CAB39: variants seen among roughly 807,000 people sequenced by gnomAD.
CAB39 encodes calcium binding protein 39.
CAB39 carries 8 observed loss-of-function variants against 40.0 expected under a neutral mutation model. The ratio of observed to expected loss-of-function variants is 0.20; its 90% CI spans 0.12 to 0.36. The LOEUF is 0.36. CAB39 is among the 10% of genes least tolerant of loss of function. The pLI is 1.00. For synonymous variants in CAB39, 156 were observed against 141.6 expected, an observed-to-expected ratio of 1.10 and a Z score of -0.72; for missense variants, 270 against 401.1, an observed-to-expected ratio of 0.67 and a Z score of 2.79.
At chr2:230,811,150 A>G (rs576905021) in intron 6 of CAB39, among the ~76,000 whole-genome samples, 27 of 152,334 alleles carry the variant, frequency 1.8e-4, no homozygotes, top group African/African-American at 6.0e-4. Context: ...ACTCCTGTCT[A>G]TCCTGCAAAA....
At chr2:230,770,709 T>G (rs1197855177) in intron 2 of CAB39, among the ~76,000 whole-genome samples, 1 of 152,180 alleles carries the variant, frequency 6.6e-6, no homozygotes, top group African/African-American at 2.4e-5. Flanking sequence ...GCAAATTGAA[T>G]AGTAGACCAA....
chr2:230,754,342 CTTCTTCCTTCCT>C (rs1221090402), intron 1 of CAB39, among the ~76,000 whole-genome samples: 2 of 149,028 alleles, frequency 1.3e-5, no homozygotes, highest in African/African-American at 5.0e-5. Context: ...CTTCCTTCCT[CTTCTTCCTTCCT>C]CTTCTTCCGT....
chr2:230,750,572 A>ATT (rs61519274), intron 1 of CAB39, among the ~76,000 whole-genome samples: 11 of 148,744 alleles, frequency 7.4e-5, no homozygotes, highest in African/African-American at 2.7e-4. Flanking sequence ...CACATCTTTT[A>ATT]TTTTTTTTTT....
chr2:230,715,212 C>T (rs1310997740), intron 1 of CAB39, among the ~76,000 whole-genome samples: 1 of 152,194 alleles, frequency 6.6e-6, no homozygotes, highest in African/African-American at 2.4e-5. Flanking sequence ...TGGAAGTCTT[C>T]TAAGCATGTT....
chr2:230,753,826 T>C (rs1253704770), intron 1 of CAB39, among the ~76,000 whole-genome samples: 1 of 152,148 alleles, frequency 6.6e-6, no homozygotes, highest in African/African-American at 2.4e-5. Context: ...ATTATTTTAT[T>C]AAAATATCTA....
At chr2:230,764,180 A>T (rs1359653832) in intron 2 of CAB39, among the ~76,000 whole-genome samples, 1 of 152,172 alleles carries the variant, frequency 6.6e-6, no homozygotes. Context: ...AGATTTTTCA[A>T]CTTTGCAATG....
At chr2:230,787,757 G>A (rs1011450554) in intron 2 of CAB39, among the ~76,000 whole-genome samples, 1 of 152,172 alleles carries the variant, frequency 6.6e-6, no homozygotes, top group Non-Finnish European at 1.5e-5. Flanking sequence ...TTCTTAGGAG[G>A]TTAATCAAAG....
intron 2 of CAB39, among the ~76,000 whole-genome samples, chr2:230,763,143 A>G (rs1695324678): frequency 6.6e-6 from 1 of 152,252 alleles, no homozygotes; most frequent in South Asian, 2.1e-4. Context: ...AAAAATAACC[A>G]TATTGTCCAA....
At chr2:230,755,797 G>A (rs1174375547) in intron 1 of CAB39, among the ~76,000 whole-genome samples, 1 of 152,170 alleles carries the variant, frequency 6.6e-6, no homozygotes, top group Non-Finnish European at 1.5e-5. Flanking sequence ...ATGTATAAAA[G>A]GAAATACTGC....
At chr2:230,745,785 C>A (rs1694962576) in intron 1 of CAB39, among the ~76,000 whole-genome samples, 1 of 151,968 alleles carries the variant, frequency 6.6e-6, no homozygotes, top group African/African-American at 2.4e-5. Flanking sequence ...TACCACCACG[C>A]CCAGCTAATT....
chr2:230,808,894 T>A (rs1289068287), intron 5 of CAB39, among the ~76,000 whole-genome samples: 1 of 152,244 alleles, frequency 6.6e-6, no homozygotes, highest in Non-Finnish European at 1.5e-5. Context: ...TATTAAGCAC[T>A]TACTATGCAC....
intron 4 of CAB39, among the ~76,000 whole-genome samples, chr2:230,798,037 C>A (rs1266524985): frequency 6.6e-6 from 1 of 152,110 alleles, no homozygotes; most frequent in Non-Finnish European, 1.5e-5. Flanking sequence ...ATGCCTCTTG[C>A]TTGGCTGAGA....
intron 1 of CAB39, among the ~76,000 whole-genome samples, chr2:230,717,975 A>G (rs1167091570): frequency 6.6e-6 from 1 of 152,136 alleles, no homozygotes; most frequent in African/African-American, 2.4e-5. Flanking sequence ...GTGCATACCT[A>G]TTTGTATGAT....
intron 2 of CAB39, among the ~76,000 whole-genome samples, chr2:230,766,792 G>C (rs1691146969): frequency 6.6e-6 from 1 of 152,196 alleles, no homozygotes; most frequent in African/African-American, 2.4e-5. Context: ...CTCCCAAATT[G>C]CTGGGATTGC....
At chr2:230,791,578 G>C (rs1695893126) in intron 3 of CAB39, among the ~76,000 whole-genome samples, 1 of 152,124 alleles carries the variant, frequency 6.6e-6, no homozygotes, top group African/African-American at 2.4e-5. Context: ...CTGAATTTCT[G>C]GCTTCTCTTG....
chr2:230,798,485 G>T (rs1438015054), intron 4 of CAB39, among the ~76,000 whole-genome samples: 1 of 152,134 alleles, frequency 6.6e-6, no homozygotes, highest in Admixed American at 6.6e-5. Context: ...ACAGTCACTC[G>T]TATGGCTATT....
intron 1 of CAB39, chr2:230,713,786 A>G (rs913829058): frequency 2.6e-5 from 4 of 152,334 alleles, no homozygotes; most frequent in African/African-American, 9.6e-5. Flanking sequence ...GTCGGCCCGC[A>G]CCGGAGGGAT....
At chr2:230,783,701 C>T (rs1020037771) in intron 2 of CAB39, among the ~76,000 whole-genome samples, 1 of 151,902 alleles carries the variant, frequency 6.6e-6, no homozygotes, top group African/African-American at 2.4e-5. Context: ...GGTCTCTCAC[C>T]ATGTTTTTCA....
At chr2:230,770,108 A>G (rs1255294758) in intron 2 of CAB39, among the ~76,000 whole-genome samples, 2 of 152,154 alleles carry the variant, frequency 1.3e-5, no homozygotes, top group African/African-American at 4.8e-5. Flanking sequence ...TTCTACCTTA[A>G]AAACTAGAAA....
Sources: allele counts gnomAD v4.1 joint callset (sites outside exome capture counted in the v4.1 genomes callset), GRCh38; gene constraint gnomAD v4.1.1; transcripts MANE v1.5; gene names NCBI Gene and HGNC (gene_info 2026-07-23, HGNC 2026-07-21).